Variants in SPAG17 observed in about 807,000 individuals in gnomAD.
The protein encoded by SPAG17 is sperm-associated antigen 17.
Under a neutral mutation model 273.6 loss-of-function variants are expected in SPAG17, and 169 were observed. The observed-to-expected ratio is 0.62, with a 90% CI of 0.55 to 0.70. The LOEUF is 0.70. Ranked by LOEUF, SPAG17 falls within the 30% of genes least tolerant of loss-of-function variation. The probability of loss-of-function intolerance (pLI) is 0.00; values close to 1 mark genes in which losing one functional copy is unlikely to be tolerated. For missense variants in SPAG17, 2,557 were observed against 2,627.8 expected, an observed-to-expected ratio of 0.97 and a Z score of 0.59; for synonymous variants, 825 against 873.2, an observed-to-expected ratio of 0.94 and a Z score of 0.97.
intron 24 of SPAG17, among the ~76,000 whole-genome samples, chr1:118,035,535 T>C (rs1267781617): frequency 6.6e-6 from 1 of 151,866 alleles, no homozygotes; most frequent in Non-Finnish European, 1.5e-5. Context: ...ACACAAAATC[T>C]CCAATAAAGC....
In SPAG17 at chr1:118,112,698, G is replaced by C. The variant is rs527534332; in HGVS notation, c.447+2612C>G. On this transcript the variant is annotated intron_variant, in intron 4 of 48. Coordinates refer to ENST00000336338, the MANE Select transcript of SPAG17 (RefSeq NM_206996.4). ...GATAGATTTAAGTTATTTGCAATTA[G>C]AGGCCGGCATTTGTATCCCAGAAAT... Among the ~76,000 whole-genome samples the C allele has an allele frequency of 3.3e-5, 5 of 152,118 alleles. No individual in the cohort carries two copies. In the South Asian group the frequency reaches 1.0e-3, roughly 32 times the overall value.
chr1:118,034,692 C>G lies in SPAG17; in HGVS notation c.3433+2078G>C, dbSNP rs150796539. On this transcript the variant is annotated intron_variant, in intron 24 of 48. Transcript: ENST00000336338. ...GATGTAAGAGACAGCATAGTTTATT[C>G]AAGGAACTGAAAGGCACAGAAATAA... Among the ~76,000 whole-genome samples, 224 of 152,232 alleles carry G rather than the reference C, an allele frequency of 1.5e-3. 1 individual carries two copies. The highest frequency in any genetic ancestry group is 5.1e-3 in the African/African-American group (212 of 41,530).
intron 3 of SPAG17, among the ~76,000 whole-genome samples, chr1:118,143,424 G>A (rs1158257002): frequency 6.6e-6 from 1 of 152,152 alleles, no homozygotes; most frequent in African/African-American, 2.4e-5. Context: ...TTAGCCAGGT[G>A]CAGTGGTTTA....
intron 38 of SPAG17, 82 bp from the exon 39 acceptor site, chr1:117,988,286 A>T: frequency 1.0e-6 from 1 of 997,104 alleles, no homozygotes; most frequent in South Asian, 2.0e-5. Flanking sequence ...CTCATTTGAG[A>T]TGCCTGTTAA....
chr1:118,090,327 T>C (rs1247724547), intron 10 of SPAG17, among the ~76,000 whole-genome samples: 1 of 152,148 alleles, frequency 6.6e-6, no homozygotes, highest in African/African-American at 2.4e-5. Flanking sequence ...ATTTGCTAAC[T>C]TGCAGAAAAT....
At chr1:118,018,403 G>T (rs1660173514) in intron 28 of SPAG17, among the ~76,000 whole-genome samples, 1 of 152,078 alleles carries the variant, frequency 6.6e-6, no homozygotes, top group African/African-American at 2.4e-5. Flanking sequence ...TCCTTATATA[G>T]GTTTGAAGTG....
chr1:117,958,056 A>G (rs910459939), intron 48 of SPAG17, among the ~76,000 whole-genome samples: 3 of 152,212 alleles, frequency 2.0e-5, no homozygotes, highest in African/African-American at 7.2e-5. Flanking sequence ...CTCATTCTCA[A>G]GCGGTTACAG....
Position 118,139,147 on chromosome 1 carries a change from A to C in SPAG17, c.315+11396T>G, listed in dbSNP as rs553980677. ...AAAAAATTTAAAAAAAATGGGCAAG[A>C]GACCTGGGGTGGATAGACATTTCTC... On this transcript the variant is annotated intron_variant, in intron 3 of 48. Transcript: ENST00000336338. Among the ~76,000 whole-genome samples, 17 of 152,304 alleles carry C rather than the reference A, an allele frequency of 1.1e-4. No homozygotes were observed. The East Asian group carries it at 3.3e-3, about 29-fold the overall frequency.
chr1:118,061,740 A>C (rs1652321656), intron 18 of SPAG17, among the ~76,000 whole-genome samples: 1 of 152,216 alleles, frequency 6.6e-6, no homozygotes, highest in South Asian at 2.1e-4. Flanking sequence ...TCAACCTCTC[A>C]AGATGTGTAA....
At chr1:118,126,464 C>T (rs1657743277) in intron 3 of SPAG17, among the ~76,000 whole-genome samples, 2 of 152,004 alleles carry the variant, frequency 1.3e-5, no homozygotes, top group South Asian at 4.2e-4. Flanking sequence ...CTGCCTGTCT[C>T]AGCCTCCCAA....
intron 32 of SPAG17, among the ~76,000 whole-genome samples, chr1:118,003,663 T>G (rs989132681): frequency 4.6e-5 from 7 of 152,244 alleles, no homozygotes; most frequent in African/African-American, 1.7e-4. Flanking sequence ...TTCAGCTCCA[T>G]GAGGTCATTT....
intron 8 of SPAG17, among the ~76,000 whole-genome samples, 195 bp from the exon 9 acceptor site, chr1:118,092,197 A>G (rs1389346720): frequency 6.6e-5 from 10 of 152,180 alleles, no homozygotes; most frequent in Admixed American, 6.5e-4. Flanking sequence ...TGGTATAGAC[A>G]TTATTCAGTT....
intron 1 of SPAG17, among the ~76,000 whole-genome samples, chr1:118,162,417 C>T (rs1161135871): frequency 2.6e-5 from 4 of 152,164 alleles, no homozygotes; most frequent in Non-Finnish European, 5.9e-5. Flanking sequence ...GTCCTTCATT[C>T]ATTCAGCTAA....
rs1183267514 is a variant in SPAG17, at chr1:117,970,086, T to C, written c.6357A>G (p.Thr2119=). 1 of 1,613,498 alleles carries C rather than the reference T, an allele frequency of 6.2e-7. No individual in the cohort carries two copies. Among genetic ancestry groups the C allele is most frequent in the Admixed American group, 1.7e-5 (1 of 59,892 alleles). Residue 2119 remains threonine, a synonymous_variant, in exon 46 of 49, where the codon ACA becomes ACG. Coordinates refer to ENST00000336338, the MANE Select transcript of SPAG17 (RefSeq NM_206996.4). ...RFKVKQPPPS[T]GLKVTYKPGP... ...CAGGTTTGTAAGTCACTTTCAGTCCTGTGCTGGGTGGGGGCTGCTTTACTT... is the reference window on the plus strand; with the variant it reads ...CAGGTTTGTAAGTCACTTTCAGTCCCGTGCTGGGTGGGGGCTGCTTTACTT...
chr1:118,085,533 C>CGTGCATACGCGTGCGA (rs1558001247), intron 13 of SPAG17, among the ~76,000 whole-genome samples: 7 of 137,126 alleles, frequency 5.1e-5, no homozygotes, highest in African/African-American at 1.8e-4. Flanking sequence ...TACGCGTGCG[C>CGTGCATACGCGTGCGA]GCGCGCACAC....
At chr1:117,996,568 A>C (rs1180068889) in intron 33 of SPAG17, 30 bp downstream of exon 33, 1 of 1,602,394 alleles carries the variant, frequency 6.2e-7, no homozygotes, top group East Asian at 2.2e-5. Flanking sequence ...ACTCAGAATT[A>C]AAAGTAAAAT....
chr1:118,088,526 T>C (rs984104801), intron 10 of SPAG17, among the ~76,000 whole-genome samples: 2 of 152,138 alleles, frequency 1.3e-5, no homozygotes, highest in Non-Finnish European at 2.9e-5. Context: ...GATTATCTAA[T>C]TGGTTAGAAA....
At chr1:117,988,611 T>G (rs950020015) in intron 38 of SPAG17, among the ~76,000 whole-genome samples, 9 of 152,254 alleles carry the variant, frequency 5.9e-5, no homozygotes, top group South Asian at 4.2e-4. Context: ...TTCAACAATT[T>G]AGGCAGCGAT....
At position 117,959,564 on chromosome 1, in the gene SPAG17, G is replaced by A; in HGVS notation, c.*4235C>T. On this transcript the variant is annotated intron_variant, in intron 48 of 48. Transcript: ENST00000336338. ...CCAAATAACAGAAGATCGCATTGCA[G>A]ATGATATCAGGATGTGGTTTCCAGC... 2 of 1,122,524 alleles carry A rather than the reference G, an allele frequency of 1.8e-6. 1 individual carries two copies. The highest frequency in any genetic ancestry group is 2.4e-6 in the Non-Finnish European group (2 of 829,254). 69.5% of individuals were successfully genotyped at this position (1,122,524 alleles called of 1,614,324 possible). A position where few individuals can be genotyped will look rare whatever the true frequency, so the allele number is the denominator to read the frequency against.
Sources: gnomAD v4.1 joint callset for allele counts (sites outside exome capture counted in the v4.1 genomes callset) on GRCh38, gnomAD v4.1.1 for gene constraint, MANE v1.5 for transcripts, NCBI Gene and HGNC (gene_info 2026-07-23, HGNC 2026-07-21) for gene names.